Variants in RALYL observed in about 807,000 individuals in gnomAD.
RALYL encodes RNA-binding Raly-like protein.
RALYL carries 29 observed loss-of-function variants against 35.1 expected under a neutral mutation model. The ratio of observed to expected loss-of-function variants is 0.83; its 90% CI spans 0.61 to 1.13. The LOEUF (loss-of-function observed/expected upper bound fraction) is 1.13. Among genes scored for constraint, RALYL ranks in the 50% most tolerant of loss-of-function variants. The probability of loss-of-function intolerance (pLI) is 0.00; values close to 1 mark genes in which losing one functional copy is unlikely to be tolerated. For synonymous variants in RALYL, 120 were observed against 127.6 expected, an observed-to-expected ratio of 0.94 and a Z score of 0.40; for missense variants, 359 against 360.4, an observed-to-expected ratio of 1.00 and a Z score of 0.03.
intron 1 of RALYL, among the ~76,000 whole-genome samples, chr8:84,190,726 G>T (rs985512994): frequency 6.6e-6 from 1 of 152,190 alleles, no homozygotes; most frequent in African/African-American, 2.4e-5. Flanking sequence ...TTAACTTCTG[G>T]ATTAAATGAC....
At chr8:84,375,919 T>C (rs1856821657) in intron 1 of RALYL, among the ~76,000 whole-genome samples, 1 of 152,020 alleles carries the variant, frequency 6.6e-6, no homozygotes, top group South Asian at 2.1e-4. Context: ...AAAAAGACTG[T>C]GATTTCCATT....
At chr8:84,870,242 A>G (rs1347761139) in intron 6 of RALYL, among the ~76,000 whole-genome samples, 1 of 151,400 alleles carries the variant, frequency 6.6e-6, no homozygotes, top group Non-Finnish European at 1.5e-5. Context: ...TTATGACAGT[A>G]TGTTTGCTTT....
intron 2 of RALYL, among the ~76,000 whole-genome samples, chr8:84,550,431 C>T (rs1202288257): frequency 6.6e-6 from 1 of 152,044 alleles, no homozygotes; most frequent in East Asian, 1.9e-4. Flanking sequence ...CATGAGCAAA[C>T]TTATTTTCCT....
chr8:84,816,043 A>AG (rs2134168996), intron 4 of RALYL, among the ~76,000 whole-genome samples: 1 of 151,490 alleles, frequency 6.6e-6, no homozygotes, highest in East Asian at 1.9e-4. Flanking sequence ...AAAAAAAAAA[A>AG]AAAAAAAAAG....
intron 2 of RALYL, among the ~76,000 whole-genome samples, chr8:84,617,252 T>C (rs1391309446): frequency 2.0e-5 from 3 of 151,760 alleles, no homozygotes; most frequent in Non-Finnish European, 4.4e-5. Context: ...TTTGTTTGTA[T>C]CCTCTTTTAT....
intron 1 of RALYL, among the ~76,000 whole-genome samples, chr8:84,481,640 G>T (rs995657075): frequency 2.0e-5 from 3 of 151,962 alleles, no homozygotes; most frequent in East Asian, 1.9e-4. Flanking sequence ...AGCATACTCG[G>T]CAATAAAAAA....
At position 84,479,501 on chromosome 8, in the gene RALYL, A is replaced by G. The variant is rs193161510; in HGVS notation, c.-23-49798A>G. Among the ~76,000 whole-genome samples, 434 of 152,280 alleles carry G rather than the reference A, an allele frequency of 2.9e-3. 2 individuals are homozygous for G. The highest frequency in any genetic ancestry group is 9.8e-3 in the African/African-American group (408 of 41,572). On this transcript the variant is annotated intron_variant, in intron 1 of 8. Transcript: ENST00000521268. ...ATAGTGCCTGAAATTCCAAAGGACC[A>G]ATTTTACCCTGAGAAACAAGTTCAG...
intron 2 of RALYL, among the ~76,000 whole-genome samples, chr8:84,755,051 A>G (rs1811047568): frequency 6.6e-6 from 1 of 152,164 alleles, no homozygotes; most frequent in African/African-American, 2.4e-5. Flanking sequence ...AGCTATAGTT[A>G]TACTGATGCT....
intron 1 of RALYL, among the ~76,000 whole-genome samples, chr8:84,219,467 T>C (rs1821642668): frequency 6.6e-6 from 1 of 152,078 alleles, no homozygotes; most frequent in African/African-American, 2.4e-5. Flanking sequence ...ATTATAGCAG[T>C]GTGAAAATTG....
intron 1 of RALYL, among the ~76,000 whole-genome samples, chr8:84,430,183 TC>T (rs2046991359): frequency 6.6e-6 from 1 of 152,060 alleles, no homozygotes; most frequent in East Asian, 1.9e-4. Context: ...AGAATAACCC[TC>T]CCTTTATTTT....
In RALYL at chr8:84,804,215, T is replaced by C. The variant is rs571292574; in HGVS notation, c.333-555T>C. Among the ~76,000 whole-genome samples, 11 of 152,266 alleles carry C rather than the reference T, an allele frequency of 7.2e-5. No individual in the cohort carries two copies. In the East Asian group the frequency reaches 1.3e-3, roughly 19 times the overall value. On this transcript the variant is annotated intron_variant, in intron 3 of 8. Transcript: ENST00000521268. ...AGGATTAGACTTTCCCTTTGAGATA[T>C]TGAGGTACAGAAAATACCAAGTTTT...
intron 1 of RALYL, among the ~76,000 whole-genome samples, chr8:84,502,026 A>G (rs772086159): frequency 1.3e-5 from 2 of 150,960 alleles, no homozygotes; most frequent in Non-Finnish European, 3.0e-5. Context: ...TTCACAAACT[A>G]TTTTGTAATT....
chr8:84,843,655 G>A (rs1233598650), intron 4 of RALYL, among the ~76,000 whole-genome samples: 1 of 152,110 alleles, frequency 6.6e-6, no homozygotes, highest in Non-Finnish European at 1.5e-5. Context: ...AGCCCACATT[G>A]CCAAGTCAAT....
chr8:84,441,714 A>G (rs1327444874), intron 1 of RALYL, among the ~76,000 whole-genome samples: 1 of 152,102 alleles, frequency 6.6e-6, no homozygotes, highest in Non-Finnish European at 1.5e-5. Flanking sequence ...AGATCGGCAA[A>G]TTTTGTTCAC....
chr8:84,397,821 C>T (rs992119627), intron 1 of RALYL, among the ~76,000 whole-genome samples: 4 of 152,154 alleles, frequency 2.6e-5, no homozygotes, highest in Admixed American at 1.3e-4. Context: ...CTCCTGTTTT[C>T]TGGGAGTATT....
chr8:84,797,486 T>TA (rs1250229894), intron 3 of RALYL, among the ~76,000 whole-genome samples: 1 of 152,230 alleles, frequency 6.6e-6, no homozygotes. Flanking sequence ...ACTCTTGTGA[T>TA]AATTGTTAGA....
chr8:84,766,245 A>G (rs1813924387), intron 2 of RALYL, among the ~76,000 whole-genome samples: 1 of 152,156 alleles, frequency 6.6e-6, no homozygotes, highest in African/African-American at 2.4e-5. Context: ...CGTCCAAAAT[A>G]TCCTAAATTC....
intron 2 of RALYL, among the ~76,000 whole-genome samples, chr8:84,553,470 T>G (rs533922241): frequency 6.6e-6 from 1 of 152,316 alleles, no homozygotes; most frequent in South Asian, 2.1e-4. Flanking sequence ...ACTCCTCTTC[T>G]TATTGACAAG....
At chr8:84,711,923 A>G (rs1842248455) in intron 2 of RALYL, among the ~76,000 whole-genome samples, 1 of 152,170 alleles carries the variant, frequency 6.6e-6, no homozygotes, top group Non-Finnish European at 1.5e-5. Context: ...TTAATTCCCA[A>G]ATTACTTCAT....
Sources: allele counts gnomAD v4.1 joint callset (sites outside exome capture counted in the v4.1 genomes callset), GRCh38; gene constraint gnomAD v4.1.1; transcripts MANE v1.5; gene names NCBI Gene and HGNC (gene_info 2026-07-23, HGNC 2026-07-21).